SUPT3H: variants seen among roughly 807,000 people sequenced by gnomAD.
The protein encoded by SUPT3H is SPT3 homolog, SAGA and STAGA complex component.
SUPT3H carries 44 observed loss-of-function variants against 44.3 expected under a neutral mutation model. The observed-to-expected ratio is 0.99, with a 90% CI of 0.78 to 1.28. SUPT3H has a LOEUF of 1.28. SUPT3H is among the 50% of genes most tolerant of loss of function. The probability of loss-of-function intolerance (pLI) is 0.00; values close to 1 mark genes in which losing one functional copy is unlikely to be tolerated. For synonymous variants in SUPT3H, 124 were observed against 125.6 expected (o/e 0.99, Z 0.09); for missense variants, 380 against 387.1 (o/e 0.98, Z 0.15).
At chr6:44,982,638 C>T (rs1162805322) in intron 6 of SUPT3H, among the ~76,000 whole-genome samples, 1 of 152,072 alleles carries the variant, frequency 6.6e-6, no homozygotes, top group Non-Finnish European at 1.5e-5. Context: ...AAAGATACAG[C>T]TATGTACTCT....
intron 4 of SUPT3H, among the ~76,000 whole-genome samples, chr6:45,019,425 T>C (rs1371354640): frequency 6.6e-6 from 1 of 152,096 alleles, no homozygotes; most frequent in Admixed American, 6.6e-5. Flanking sequence ...TTTCTAGTTC[T>C]TTTAATTGTG....
intron 2 of SUPT3H, among the ~76,000 whole-genome samples, chr6:45,275,454 T>C (rs1776861231): frequency 6.6e-6 from 1 of 152,340 alleles, no homozygotes; most frequent in South Asian, 2.1e-4. Flanking sequence ...CTGTTACACA[T>C]TGTGTAAAAT....
At chr6:45,245,475 C>T (rs1771177181) in intron 2 of SUPT3H, among the ~76,000 whole-genome samples, 1 of 152,064 alleles carries the variant, frequency 6.6e-6, no homozygotes, top group Non-Finnish European at 1.5e-5. Context: ...GCCTGGTAAT[C>T]TACTTTCTGT....
chr6:44,831,845 GA>G (rs1335499505), intron 10 of SUPT3H, among the ~76,000 whole-genome samples: 6 of 152,086 alleles, frequency 3.9e-5, no homozygotes, highest in Non-Finnish European at 8.8e-5. Flanking sequence ...GGTCACTTTT[GA>G]AAGATCGATT....
intron 4 of SUPT3H, 133 bp downstream of exon 4, chr6:45,020,413 A>C: frequency 1.6e-6 from 1 of 625,218 alleles, no homozygotes; most frequent in Non-Finnish European, 2.7e-6. Context: ...CGTCCAAACC[A>C]TGAAGACTAA....
chr6:44,820,432 G>A (rs991436492), intron 11 of SUPT3H, among the ~76,000 whole-genome samples: 1 of 152,152 alleles, frequency 6.6e-6, no homozygotes, highest in African/African-American at 2.4e-5. Flanking sequence ...AAGTCAAGGG[G>A]AAGCTGAATG....
At chr6:44,956,795 T>C (rs1046804191) in intron 7 of SUPT3H, among the ~76,000 whole-genome samples, 166 of 152,308 alleles carry the variant, frequency 1.1e-3, no homozygotes, top group South Asian at 2.1e-4. Flanking sequence ...TGAATCTTGA[T>C]CATACAGGCC....
At chr6:44,900,453 A>AGATCACTG in intron 10 of SUPT3H, among the ~76,000 whole-genome samples, 1 of 152,334 alleles carries the variant, frequency 6.6e-6, no homozygotes, top group East Asian at 1.9e-4. Flanking sequence ...ATCAAACCGC[A>AGATCACTG]AGGCGGCAGC....
At chr6:44,964,825 A>G (rs1349034685) in intron 6 of SUPT3H, among the ~76,000 whole-genome samples, 1 of 152,190 alleles carries the variant, frequency 6.6e-6, no homozygotes, top group Non-Finnish European at 1.5e-5. Context: ...TATAGACAAT[A>G]CAAAATCATG....
rs1290862860 is a variant in SUPT3H at position 45,084,436 on chromosome 6, A to G, written c.186+21486T>C. 2.0e-5 allele frequency among the ~76,000 whole-genome samples: 3 copies of G among 152,164 alleles called. No homozygotes were observed. In the East Asian group the frequency reaches 5.8e-4, roughly 29 times the overall value. ...CAGAGAGATACAAATCAAAACCACA[A>G]TGAGGTACCATCTCATACCAATCAA... is the stretch of plus-strand genomic sequence containing the variant. On this transcript the variant is annotated intron_variant, in intron 3 of 10. Coordinates refer to ENST00000371459, the MANE Select transcript of SUPT3H (RefSeq NM_003599.4).
intron 10 of SUPT3H, among the ~76,000 whole-genome samples, chr6:44,844,778 T>G (rs9369515): frequency 0.34 from 52,052 of 152,112 alleles, 9,966 homozygotes; most frequent in East Asian, 0.55. Flanking sequence ...TCAGGACATC[T>G]TTTTTGCAGC....
chr6:45,089,468 C>G (rs549283480), intron 3 of SUPT3H, among the ~76,000 whole-genome samples: 3 of 151,902 alleles, frequency 2.0e-5, no homozygotes, highest in African/African-American at 4.8e-5. Flanking sequence ...ATTCTAAAAC[C>G]CTTCTTCTTC....
At chr6:45,114,297 T>A (rs1462578419) in intron 2 of SUPT3H, among the ~76,000 whole-genome samples, 3 of 152,050 alleles carry the variant, frequency 2.0e-5, no homozygotes, top group East Asian at 1.9e-4. Context: ...CAAGTTTACA[T>A]TCCGATGAGG....
chr6:45,095,978 T>C lies in SUPT3H; in HGVS notation c.186+9944A>G, dbSNP rs559977310. Among the ~76,000 whole-genome samples the C allele has an allele frequency of 4.4e-4, 67 of 152,238 alleles. No homozygotes were observed. Among genetic ancestry groups the C allele is most frequent in the African/African-American group, 1.4e-3 (60 of 41,564 alleles). ...CAATCATGCCATTAAATAGCCCCAT[T>C]ATTAACGACAATAGCAACTATTACT... On this transcript the variant is annotated intron_variant, in intron 3 of 10. Coordinates refer to ENST00000371459, the MANE Select transcript of SUPT3H (RefSeq NM_003599.4). This position sits in a 1 kb window ranked among gnomAD's most constrained non-coding sequence, Gnocchi z 4.1.
At chr6:44,963,106 A>G (rs1281165400) in intron 6 of SUPT3H, among the ~76,000 whole-genome samples, 1 of 151,630 alleles carries the variant, frequency 6.6e-6, no homozygotes, top group South Asian at 2.1e-4. Context: ...TAAATTATAT[A>G]TGTACACATA....
rs1310103683 is a variant in SUPT3H at position 44,943,418 on chromosome 6, G to A, written c.801+9892C>T. Among the ~76,000 whole-genome samples, 4 of 152,080 alleles carry A rather than the reference G, an allele frequency of 2.6e-5. No individual in the cohort carries two copies. The East Asian group carries it at 5.8e-4, about 22-fold the overall frequency. On this transcript the variant is annotated intron_variant, in intron 9 of 10. Coordinates refer to ENST00000371459, the MANE Select transcript of SUPT3H (RefSeq NM_003599.4). ...AAGTAACTAATACAATGTACTTGGAGTTTCAGAAGTGAAGGAGAGGGAATA... is the reference window on the plus strand; with the variant it reads ...AAGTAACTAATACAATGTACTTGGAATTTCAGAAGTGAAGGAGAGGGAATA...
At chr6:44,981,712 T>G (rs1229876513) in intron 6 of SUPT3H, among the ~76,000 whole-genome samples, 1 of 152,106 alleles carries the variant, frequency 6.6e-6, no homozygotes, top group Non-Finnish European at 1.5e-5. Flanking sequence ...GACTGAGTTC[T>G]CTCTTCTTTA....
chr6:44,918,065 T>C (rs1399055692), intron 10 of SUPT3H, among the ~76,000 whole-genome samples: 1 of 152,092 alleles, frequency 6.6e-6, no homozygotes. Context: ...TCTAGAAAAT[T>C]AGTTCAAAAT....
chr6:45,241,366 C>T (rs1181485067), intron 2 of SUPT3H, among the ~76,000 whole-genome samples: 5 of 152,176 alleles, frequency 3.3e-5, no homozygotes, highest in Admixed American at 3.3e-4. Flanking sequence ...GGGCAGAAAA[C>T]CACTTAAAGG....
Sources: allele counts gnomAD v4.1 joint callset (sites outside exome capture counted in the v4.1 genomes callset), GRCh38; gene constraint gnomAD v4.1.1; non-coding constraint Gnocchi (gnomAD v3.1); transcripts MANE v1.5; gene names NCBI Gene and HGNC (gene_info 2026-07-23, HGNC 2026-07-21).